THADA: variants seen among roughly 807,000 people sequenced by gnomAD.
The protein encoded by THADA is THADA armadillo repeat containing.
THADA carries 213 observed loss-of-function variants against 219.8 expected under a neutral mutation model. That is an observed-to-expected ratio of 0.97 (90% CI 0.87 to 1.09). The LOEUF (loss-of-function observed/expected upper bound fraction) is 1.09. THADA is among the 50% of genes least tolerant of loss of function. The pLI is 0.00. For missense variants in THADA, 2,956 were observed against 2,311.3 expected, an observed-to-expected ratio of 1.28 and a Z score of -5.72; for synonymous variants, 1,018 against 828.9, an observed-to-expected ratio of 1.23 and a Z score of -3.92.
intron 36 of THADA, among the ~76,000 whole-genome samples, chr2:43,254,719 C>T (rs1392362672): frequency 2.0e-5 from 3 of 152,134 alleles, no homozygotes; most frequent in Non-Finnish European, 4.4e-5. Flanking sequence ...CTCTAATTTC[C>T]CCCAATGACA....
At chr2:43,308,771 A>C (rs1317113174) in intron 31 of THADA, among the ~76,000 whole-genome samples, 68 of 150,202 alleles carry the variant, frequency 4.5e-4, no homozygotes, top group African/African-American at 1.6e-3. Flanking sequence ...AAAAAAAAAA[A>C]AAAAAAAAAA....
At chr2:43,578,637 G>T in intron 8 of THADA, 30 bp from the exon 9 acceptor site, 1 of 1,486,634 alleles carries the variant, frequency 6.7e-7, no homozygotes, top group Non-Finnish European at 9.3e-7. Flanking sequence ...AGAAGCTTGT[G>T]TTAAATAATG....
chr2:43,313,511 A>G (rs1684716254), intron 31 of THADA, among the ~76,000 whole-genome samples: 1 of 152,262 alleles, frequency 6.6e-6, no homozygotes, highest in Non-Finnish European at 1.5e-5. Context: ...GCAGCCTGGT[A>G]TTAGGAAGTG....
At chr2:43,300,425 G>C (rs539264810) in intron 31 of THADA, among the ~76,000 whole-genome samples, 20 of 152,250 alleles carry the variant, frequency 1.3e-4, no homozygotes, top group Admixed American at 8.5e-4. Context: ...GAAACAGAGA[G>C]GTGAAGTTAC....
At chr2:43,411,434 C>A (rs138423153) in intron 28 of THADA, among the ~76,000 whole-genome samples, 1 of 152,184 alleles carries the variant, frequency 6.6e-6, no homozygotes, top group Non-Finnish European at 1.5e-5. Flanking sequence ...ATAAACTCAC[C>A]TGCTGTATTC....
At chr2:43,356,416 G>T (rs1235959517) in intron 29 of THADA, among the ~76,000 whole-genome samples, 1 of 151,920 alleles carries the variant, frequency 6.6e-6, no homozygotes, top group African/African-American at 2.4e-5. Context: ...CATGAATAGG[G>T]GAAAATAAGA....
rs1471000575 is a variant in THADA at position 43,292,978 on chromosome 2, T to C, written c.4674A>G (p.Ser1558=). The C allele has an allele frequency of 6.2e-7, 1 of 1,613,866 alleles. No individual in the cohort carries two copies. The highest frequency in any genetic ancestry group is 1.3e-5 in the African/African-American group (1 of 74,914). Residue 1558 remains serine, a synonymous_variant, in exon 32 of 38, where the codon TCA becomes TCG. Coordinates refer to ENST00000405975, the MANE Select transcript of THADA (RefSeq NM_022065.5). ...TTTCCAAGAGGGCTTCCAGTGTTAGTGAGCGCACTTCAGGGAAGGCAGATT... is the reference window on the plus strand; with the variant it reads ...TTTCCAAGAGGGCTTCCAGTGTTAGCGAGCGCACTTCAGGGAAGGCAGATT... ...LLESAFPEVR[S]LTLEALLEKF...
In THADA at chr2:43,347,350, G is replaced by T. The variant is rs558893784; in HGVS notation, c.4228-3113C>A. On this transcript the variant is annotated intron_variant, in intron 29 of 37. Transcript: ENST00000405975. ...GTTGATTCTTTTCCATGTTCTGTCTGCTCCCTCTCTTCCAGCCCCATTCCA... is the reference window on the plus strand; with the variant it reads ...GTTGATTCTTTTCCATGTTCTGTCTTCTCCCTCTCTTCCAGCCCCATTCCA... Among the ~76,000 whole-genome samples, 178 of 152,292 alleles carry T rather than the reference G, an allele frequency of 1.2e-3. 1 individual carries two copies. Among genetic ancestry groups the T allele is most frequent in the African/African-American group, 4.1e-3 (169 of 41,568 alleles).
intron 29 of THADA, among the ~76,000 whole-genome samples, chr2:43,378,009 A>T (rs530497986): frequency 6.6e-6 from 1 of 152,346 alleles, no homozygotes; most frequent in East Asian, 1.9e-4. Context: ...GTATTTTCAC[A>T]TGATTAGACT....
At chr2:43,280,504 C>T (rs536657403) in intron 35 of THADA, among the ~76,000 whole-genome samples, 27 of 152,076 alleles carry the variant, frequency 1.8e-4, no homozygotes, top group African/African-American at 4.3e-4. Context: ...TGGTGACGGG[C>T]GCCTGTATTC....
intron 21 of THADA, among the ~76,000 whole-genome samples, chr2:43,537,204 A>G (rs1427733223): frequency 1.3e-5 from 2 of 152,254 alleles, no homozygotes; most frequent in East Asian, 3.8e-4. Flanking sequence ...CTCAGATATC[A>G]TCTTACCAGA....
intron 28 of THADA, among the ~76,000 whole-genome samples, chr2:43,422,553 C>T (rs1006916921): frequency 2.0e-5 from 3 of 152,200 alleles, no homozygotes; most frequent in Admixed American, 2.0e-4. Flanking sequence ...CATGGTTCAC[C>T]AGGATATCTC....
chr2:43,486,925 C>A (rs1387741178), intron 25 of THADA, among the ~76,000 whole-genome samples: 2 of 152,194 alleles, frequency 1.3e-5, no homozygotes, highest in Non-Finnish European at 2.9e-5. Flanking sequence ...TGTAACCTCT[C>A]CTCTAGAAGC....
chr2:43,488,069 T>A (rs1687130722), intron 25 of THADA, among the ~76,000 whole-genome samples: 1 of 152,196 alleles, frequency 6.6e-6, no homozygotes, highest in South Asian at 2.1e-4. Context: ...GTTCATCAGT[T>A]AGTAAAGAAT....
At chr2:43,501,002 A>G (rs1688880268) in intron 24 of THADA, among the ~76,000 whole-genome samples, 1 of 152,002 alleles carries the variant, frequency 6.6e-6, no homozygotes, top group Admixed American at 6.6e-5. Context: ...AAATCTCAAA[A>G]ATAATCTATA....
intron 31 of THADA, among the ~76,000 whole-genome samples, chr2:43,311,115 G>T (rs1677457670): frequency 6.6e-6 from 1 of 152,112 alleles, no homozygotes; most frequent in Non-Finnish European, 1.5e-5. Flanking sequence ...GGCGGAGGTT[G>T]CAGTGAACCG....
At chr2:43,250,728 C>G (rs1184543282) in intron 36 of THADA, among the ~76,000 whole-genome samples, 1 of 150,572 alleles carries the variant, frequency 6.6e-6, no homozygotes. Context: ...AAATAAAATA[C>G]AGTAAAATAA....
chr2:43,272,034 G>C (rs1041413906), intron 36 of THADA, among the ~76,000 whole-genome samples: 1 of 152,204 alleles, frequency 6.6e-6, no homozygotes, highest in Non-Finnish European at 1.5e-5. Context: ...TAGTCTGAGA[G>C]GTCAAGGCAG....
At position 43,574,385 on chromosome 2, in the gene THADA, G is replaced by A. The variant is rs1699617068; in HGVS notation, c.1680C>T (p.Ser560=). ...GAAGAATCTTTACCATGTACTGTAA[G>A]CTTTCAGGGCTGTAACTTAATAATT... ...LPKLLSYSPE[S]LQYMVKILQT... The change falls in exon 11 of 38, where the codon AGC becomes AGT. Residue 560 remains serine, a synonymous_variant. Transcript: ENST00000405975. 6.2e-7 allele frequency: 1 copy of A among 1,607,424 alleles called. No individual in the cohort carries two copies. The highest frequency in any genetic ancestry group is 8.5e-7 in the Non-Finnish European group (1 of 1,176,880).
Sources: allele counts gnomAD v4.1 joint callset (sites outside exome capture counted in the v4.1 genomes callset), GRCh38; gene constraint gnomAD v4.1.1; transcripts MANE v1.5; gene names NCBI Gene and HGNC (gene_info 2026-07-23, HGNC 2026-07-21).